The following MEST variants were observed in gnomAD, a reference collection of about 807,000 sequenced individuals.
MEST encodes the protein mesoderm specific transcript.
In MEST, 18 loss-of-function variants were observed where a neutral mutation model predicts 50.9. The observed-to-expected ratio is 0.35, with a 90% CI of 0.24 to 0.52. MEST has a LOEUF of 0.52. Ranked by LOEUF, MEST falls within the 20% of genes least tolerant of loss-of-function variation. MEST has a pLI of 0.94. For missense variants in MEST, 282 were observed against 425.3 expected, an observed-to-expected ratio of 0.66 and a Z score of 2.96; for synonymous variants, 130 against 154.1, an observed-to-expected ratio of 0.84 and a Z score of 1.16.
In MEST at chr7:130,505,933, T is replaced by G. The variant is rs747313587; in HGVS notation, c.*877T>G. ...GAAGCATGTCTCTCTTGAGCTACAGTAGAGGGGAAGGGATTGTTGTGTAGT... is the reference window on the plus strand; with the variant it reads ...GAAGCATGTCTCTCTTGAGCTACAGGAGAGGGGAAGGGATTGTTGTGTAGT... On this transcript the variant is annotated 3_prime_UTR_variant, in exon 12 of 12. Transcript: ENST00000223215. The G allele has an allele frequency of 3.3e-5, 5 of 152,352 alleles. No homozygotes were observed. The highest frequency in any genetic ancestry group is 5.9e-5 in the Non-Finnish European group (4 of 68,036). The allele number at this position is 152,352 out of a possible 1,614,324, so 9.4% of individuals were successfully genotyped here. A position where few individuals can be genotyped will look rare whatever the true frequency, so the allele number is the denominator to read the frequency against.
chr7:130,486,863 A>T (rs553463338), intron 1 of MEST: 1 of 152,486 alleles, frequency 6.6e-6, no homozygotes, highest in Admixed American at 6.5e-5. Flanking sequence ...GGTGTGACCG[A>T]GTGGTAGAGG....
At chr7:130,486,943 AGCGGCAGTGGTGGC>A (rs1798642727) in intron 1 of MEST, 1 of 153,402 alleles carries the variant, frequency 6.5e-6, no homozygotes, top group South Asian at 2.1e-4. Context: ...CAGGGCGGAG[AGCGGCAGTGGTGGC>A]GCGGCTGGGG....
chr7:130,492,310 G>A lies in MEST; in HGVS notation c.-4G>A, dbSNP rs782312261. The A allele has an allele frequency of 1.1e-4, 146 of 1,340,900 alleles. No homozygotes were observed. Among genetic ancestry groups the A allele is most frequent in the Middle Eastern group, 2.1e-4 (1 of 4,842 alleles). 83.1% of individuals were successfully genotyped at this position (1,340,900 alleles called of 1,614,324 possible). ...TGCGGCGGGCGGCATGGGATAACGCGGCCATGGTGCGCCGAGATCGCCTCC... is the reference window on the plus strand; with the variant it reads ...TGCGGCGGGCGGCATGGGATAACGCAGCCATGGTGCGCCGAGATCGCCTCC... On this transcript the variant is annotated 5_prime_UTR_variant, in exon 1 of 12. Coordinates refer to ENST00000223215, the MANE Select transcript of MEST (RefSeq NM_002402.4). This position sits in a 1 kb window ranked among gnomAD's most constrained non-coding sequence, Gnocchi z 7.6.
In MEST at chr7:130,505,309, A is replaced by T. The variant is rs1336774647; in HGVS notation, c.*253A>T. On this transcript the variant is annotated 3_prime_UTR_variant, in exon 12 of 12. Coordinates refer to ENST00000223215, the MANE Select transcript of MEST (RefSeq NM_002402.4). The stretch of plus-strand genomic sequence containing the variant: ...TAGACTTGGCTTTGTTTTTTGTGCT[A>T]TTAGGAAATTCTGATGAGCATTACT... The T allele has an allele frequency of 6.3e-6, 2 of 315,496 alleles. No homozygotes were observed. Among genetic ancestry groups the T allele is most frequent in the Non-Finnish European group, 1.2e-5 (2 of 168,558 alleles). The allele number at this position is 315,496 out of a possible 1,614,324, so 19.5% of individuals were successfully genotyped here.
At position 130,505,002 on chromosome 7, in the gene MEST, A is replaced by T. The variant is rs1799427012; in HGVS notation, c.954A>T (p.Leu318=). ...LDDHISHYPQ[L]EDPMGFLNAY... Reference sequence around the variant, plus strand: ...ACCACATTAGCCACTATCCACAGCTAGAGGATCCCATGGGCTTCTTGAATG... The same window carrying T: ...ACCACATTAGCCACTATCCACAGCTTGAGGATCCCATGGGCTTCTTGAATG... Residue 318 remains leucine (L), a synonymous_variant, in exon 12 of 12, where the codon CTA becomes CTT. Transcript: ENST00000223215. 2.5e-6 allele frequency: 4 copies of T among 1,613,930 alleles called. No homozygotes were observed. The East Asian group carries it at 6.7e-5, about 27-fold the overall frequency.
At chr7:130,490,451 C>T (rs1373062060), upstream of MEST, among the ~76,000 whole-genome samples, 3 of 152,210 alleles carry the variant, frequency 2.0e-5, no homozygotes, top group Non-Finnish European at 4.4e-5. Flanking sequence ...ACCCTTCGCC[C>T]CTCCCCTTAA....
At chr7:130,489,402 G>C (rs781874126), upstream of MEST, 1 of 152,278 alleles carries the variant, frequency 6.6e-6, no homozygotes, top group Non-Finnish European at 1.5e-5. Flanking sequence ...TTTATGTGTG[G>C]CTGTGTGTTT....
In MEST at chr7:130,492,327, A is replaced by G; in HGVS notation, c.14A>G (p.Asp5Gly). Residue 5 changes from aspartate (D) to glycine (G), a missense_variant, in exon 1 of 12, where the codon GAT becomes GGT. Physicochemically the swap from Asp to Gly is moderately conservative, Grantham distance 94. Coordinates refer to ENST00000223215, the MANE Select transcript of MEST (RefSeq NM_002402.4). The surrounding 1 kb of genome is among the most constrained non-coding windows in gnomAD (Gnocchi z 7.6). MVRRDRLRRMREWWV... is the reference protein window; with the variant it reads MVRRGRLRRMREWWV... ...GATAACGCGGCCATGGTGCGCCGAG[A>G]TCGCCTCCGCAGGTGAGTGTGCGGT... 1.5e-6 allele frequency: 2 copies of G among 1,341,000 alleles called. No individual in the cohort carries two copies. The highest frequency in any genetic ancestry group is 1.9e-6 in the Non-Finnish European group (2 of 1,045,278). The allele number at this position is 1,341,000 out of a possible 1,614,324, so 83.1% of individuals were successfully genotyped here.
At position 130,498,437 on chromosome 7, in the gene MEST, T is replaced by G. The variant is rs527278287; in HGVS notation, c.495T>G (p.Ser165=). ...ELLYRYKQNR[S]GRLTIKSLCL... ...CTTCTAGGTACAAGCAGAATCGATC[T>G]GGTCGGCTTACCATAAAGAGTCTCT... The change falls in exon 6 of 12, where the codon TCT becomes TCG. Residue 165 remains serine, a synonymous_variant. Coordinates refer to ENST00000223215, the MANE Select transcript of MEST (RefSeq NM_002402.4). The G allele has an allele frequency of 3.9e-4, 623 of 1,614,178 alleles. 10 individuals are homozygous for G. In the South Asian group the frequency reaches 6.4e-3, roughly 17 times the overall value.
At position 130,497,429 on chromosome 7, in the gene MEST, A is replaced by G. The variant is rs552164912; in HGVS notation, c.261+194A>G. 2.6e-6 allele frequency: 1 copy of G among 384,380 alleles called. No individual in the cohort carries two copies. Among genetic ancestry groups the G allele is most frequent in the African/African-American group, 2.1e-5 (1 of 47,232 alleles). The allele number at this position is 384,380 out of a possible 1,614,324, so 23.8% of individuals were successfully genotyped here. A position where few individuals can be genotyped will look rare whatever the true frequency, so the allele number is the denominator to read the frequency against. On this transcript the variant is annotated intron_variant, in intron 3 of 11. Transcript: ENST00000223215. This position sits in a 1 kb window ranked among gnomAD's most constrained non-coding sequence, Gnocchi z 4.0. ...AAAATTGGCCAGGCATGGTGGCACA[A>G]GCCTGTAATCCCAGCTACTTGGGAG...
chr7:130,499,758 G>A (rs1352280791), intron 6 of MEST, 117 bp from the exon 7 acceptor site: 11 of 737,730 alleles, frequency 1.5e-5, no homozygotes, highest in African/African-American at 3.6e-5. Context: ...TTGGGAGGCT[G>A]AGGTGAGAGG....
rs1554436543 is a variant in MEST at position 130,495,421 on chromosome 7, C to T, written c.80C>T (p.Ala27Val). 10 of 1,613,768 alleles carry T rather than the reference C, an allele frequency of 6.2e-6. No homozygotes were observed. Among genetic ancestry groups the T allele is most frequent in the South Asian group, 1.1e-5 (1 of 90,996 alleles). The change falls in exon 2 of 12, where the codon GCG becomes GTG. Residue 27 changes from alanine to valine, a missense_variant. Physicochemically the swap from Ala to Val is moderately conservative, Grantham distance 64. Coordinates refer to ENST00000223215, the MANE Select transcript of MEST (RefSeq NM_002402.4). Reference sequence around the variant, plus strand: ...CTGCTGGCCGTGCCCCTGCTTGCTGCGTACCTGCACATCCCACCCCCTCAG... The same window carrying T: ...CTGCTGGCCGTGCCCCTGCTTGCTGTGTACCTGCACATCCCACCCCCTCAG... Reference protein sequence around the residue: ...VGLLAVPLLAAYLHIPPPQLS... With the variant: ...VGLLAVPLLAVYLHIPPPQLS...
intron 1 of MEST, chr7:130,493,214 C>A (rs1798899897): frequency 6.6e-6 from 1 of 152,112 alleles, no homozygotes; most frequent in Non-Finnish European, 1.5e-5. Context: ...GATTGTTCAC[C>A]TTGGTTTCGC....
intron 6 of MEST, among the ~76,000 whole-genome samples, chr7:130,499,433 A>C (rs1406825045): frequency 6.6e-6 from 1 of 152,104 alleles, no homozygotes; most frequent in East Asian, 1.9e-4. Context: ...TCGTGTTCTG[A>C]GTGATAGGGG....
rs1798997794 is a variant in MEST, at chr7:130,495,204, C to T, written c.27-164C>T. 13 of 600,832 alleles carry T rather than the reference C, an allele frequency of 2.2e-5. No individual in the cohort carries two copies. In the South Asian group the frequency reaches 3.5e-4, roughly 16 times the overall value. 37.2% of individuals were successfully genotyped at this position (600,832 alleles called of 1,614,324 possible). ...CAAATATGGTGAGTGCTATGGCAGACAGAGGTTTGATTATAGTCTCGGTCA... is the reference window on the plus strand; with the variant it reads ...CAAATATGGTGAGTGCTATGGCAGATAGAGGTTTGATTATAGTCTCGGTCA... On this transcript the variant is annotated intron_variant, in intron 1 of 11. Transcript: ENST00000223215.
At position 130,497,776 on chromosome 7, in the gene MEST, T is replaced by C; in HGVS notation, c.262-160T>C. ...ATTAATTACCAGGAATAAAGCATTT[T>C]CCAAGAGGATCATCTGTGGGACCTG... On this transcript the variant is annotated intron_variant, in intron 3 of 11. Coordinates refer to ENST00000223215, the MANE Select transcript of MEST (RefSeq NM_002402.4). This position sits in a 1 kb window ranked among gnomAD's most constrained non-coding sequence, Gnocchi z 4.0. 5.9e-6 allele frequency: 4 copies of C among 677,826 alleles called. No individual in the cohort carries two copies. Among genetic ancestry groups the C allele is most frequent in the Non-Finnish European group, 7.9e-6 (3 of 380,298 alleles). The allele number at this position is 677,826 out of a possible 1,614,324, so 42.0% of individuals were successfully genotyped here. A position where few individuals can be genotyped will look rare whatever the true frequency, so the allele number is the denominator to read the frequency against.
intron 1 of MEST, among the ~76,000 whole-genome samples, chr7:130,493,826 G>C (rs1798931988): frequency 1.3e-5 from 2 of 152,160 alleles, no homozygotes; most frequent in African/African-American, 4.8e-5. Flanking sequence ...GGACAGATAG[G>C]GCTGGGCAAA....
At chr7:130,504,312 T>A (rs942883874) in intron 11 of MEST, among the ~76,000 whole-genome samples, 8 of 152,346 alleles carry the variant, frequency 5.3e-5, no homozygotes, top group Non-Finnish European at 1.0e-4. Flanking sequence ...AGTGTTTGTT[T>A]GTTTTAGTCT....
chr7:130,501,150 C>CCTG, intron 9 of MEST: 1 of 321,038 alleles, frequency 3.1e-6, no homozygotes, highest in South Asian at 9.5e-5. Context: ...AGGTACAAGG[C>CCTG]TCTTCCTTTT....
Sources: allele counts gnomAD v4.1 joint callset (sites outside exome capture counted in the v4.1 genomes callset), GRCh38; gene constraint gnomAD v4.1.1; non-coding constraint Gnocchi (gnomAD v3.1); transcripts MANE v1.5; gene names NCBI Gene and HGNC (gene_info 2026-07-23, HGNC 2026-07-21).